The following CACNG4 variants were observed in gnomAD, a reference collection of about 807,000 sequenced individuals.
CACNG4 encodes the protein calcium voltage-gated channel auxiliary subunit gamma 4.
In CACNG4, 8 loss-of-function variants were observed where a neutral mutation model predicts 22.9. The ratio of observed to expected loss-of-function variants is 0.35; its 90% CI spans 0.21 to 0.63. The LOEUF (loss-of-function observed/expected upper bound fraction) is 0.63. Ranked by LOEUF, CACNG4 falls within the 30% of genes least tolerant of loss-of-function variation. The probability of loss-of-function intolerance (pLI) is 0.72; values close to 1 mark genes in which losing one functional copy is unlikely to be tolerated. For missense variants in CACNG4, 357 were observed against 455.4 expected (o/e 0.78, Z 1.97); for synonymous variants, 188 against 191.9 (o/e 0.98, Z 0.17).
At chr17:67,019,169 C>G (rs1441889733) in intron 2 of CACNG4, among the ~76,000 whole-genome samples, 1 of 152,300 alleles carries the variant, frequency 6.6e-6, no homozygotes, top group East Asian at 1.9e-4. Flanking sequence ...TCAGAGAGAG[C>G]ACAATTCACT....
chr17:67,015,823 G>T (rs111705084), intron 1 of CACNG4, among the ~76,000 whole-genome samples: 3 of 152,270 alleles, frequency 2.0e-5, no homozygotes, highest in African/African-American at 7.2e-5. Context: ...CCCAAAAAAA[G>T]GTGTGTGGGG....
chr17:67,017,610 C>T (rs2035507082), intron 1 of CACNG4, among the ~76,000 whole-genome samples: 2 of 151,880 alleles, frequency 1.3e-5, no homozygotes, highest in African/African-American at 2.4e-5. Flanking sequence ...CTCTGCCTCC[C>T]GGGTTCAAGC....
At position 66,996,076 on chromosome 17, in the gene CACNG4, C is replaced by T. The variant is rs1471132548; in HGVS notation, c.221-22113C>T. Reference sequence around the variant, plus strand: ...TTTATCACATTACAATCAAGCCATGCTTCCAGGAGCGACTGGTTGACTTAG... The same window carrying T: ...TTTATCACATTACAATCAAGCCATGTTTCCAGGAGCGACTGGTTGACTTAG... On this transcript the variant is annotated intron_variant, in intron 1 of 3. Transcript: ENST00000262138. 2.0e-5 allele frequency among the ~76,000 whole-genome samples: 3 copies of T among 152,122 alleles called. No individual in the cohort carries two copies. In the East Asian group the frequency reaches 5.8e-4, roughly 29 times the overall value.
chr17:67,002,135 C>T (rs979131108), intron 1 of CACNG4, among the ~76,000 whole-genome samples: 2 of 152,202 alleles, frequency 1.3e-5, no homozygotes, highest in Non-Finnish European at 2.9e-5. Flanking sequence ...CTCACAGTTC[C>T]ACGTGGCTGG....
At chr17:67,022,430 C>A (rs2035537536) in intron 2 of CACNG4, among the ~76,000 whole-genome samples, 1 of 152,178 alleles carries the variant, frequency 6.6e-6, no homozygotes, top group Non-Finnish European at 1.5e-5. Context: ...TTCTGGCCAG[C>A]ACAGCTCAGA....
At chr17:66,971,989 T>C (rs1233598748) in intron 1 of CACNG4, among the ~76,000 whole-genome samples, 1 of 151,954 alleles carries the variant, frequency 6.6e-6, no homozygotes, top group Non-Finnish European at 1.5e-5. Context: ...ATCTGGACAT[T>C]GTGGCAGACT....
intron 1 of CACNG4, among the ~76,000 whole-genome samples, chr17:66,981,122 A>G (rs548040147): frequency 1.3e-5 from 2 of 152,088 alleles, no homozygotes; most frequent in Non-Finnish European, 2.9e-5. Context: ...CAATGCAGAG[A>G]CACAAGCTTC....
chr17:66,996,890 G>A (rs2035378707), intron 1 of CACNG4, among the ~76,000 whole-genome samples: 1 of 152,148 alleles, frequency 6.6e-6, no homozygotes, highest in African/African-American at 2.4e-5. Flanking sequence ...TTCTTAGAAG[G>A]GGCAGCGCCT....
chr17:67,031,229 A>C lies in CACNG4; in HGVS notation c.*225A>C. On this transcript the variant is annotated 3_prime_UTR_variant, in exon 4 of 4. Transcript: ENST00000262138. This position sits in a 1 kb window ranked among gnomAD's most constrained non-coding sequence, Gnocchi z 4.0. ...GGCTGACTTTGTCCCCTCCCCGAAA[A>C]AGGGTGTTTTGATGCCTCAGGGTCT... 1.6e-6 allele frequency: 1 copy of C among 644,604 alleles called. No homozygotes were observed. Among genetic ancestry groups the C allele is most frequent in the Non-Finnish European group, 2.8e-6 (1 of 358,522 alleles). The allele number at this position is 644,604 out of a possible 1,614,324, so 39.9% of individuals were successfully genotyped here.
chr17:67,002,531 G>T (rs1217957344), intron 1 of CACNG4, among the ~76,000 whole-genome samples: 1 of 152,154 alleles, frequency 6.6e-6, no homozygotes. Flanking sequence ...ATCCTGGCCT[G>T]GTTGCCAGAA....
At chr17:66,985,257 T>C (rs2035298572) in intron 1 of CACNG4, among the ~76,000 whole-genome samples, 2 of 152,246 alleles carry the variant, frequency 1.3e-5, no homozygotes, top group Admixed American at 1.3e-4. Flanking sequence ...GGCTGAGTCC[T>C]GGGCACTCCC....
intron 1 of CACNG4, among the ~76,000 whole-genome samples, chr17:66,992,473 CA>C (rs1296960751): frequency 1.3e-5 from 2 of 152,190 alleles, no homozygotes; most frequent in Non-Finnish European, 2.9e-5. Context: ...CCCAGCAGCA[CA>C]AAACAAACCT....
intron 1 of CACNG4, among the ~76,000 whole-genome samples, chr17:67,003,741 C>T (rs772341680): frequency 1.1e-4 from 17 of 152,134 alleles, no homozygotes; most frequent in Non-Finnish European, 2.5e-4. Context: ...GCAAAATCAC[C>T]CCCTGTAGAG....
At chr17:67,009,846 A>C (rs1441013672) in intron 1 of CACNG4, among the ~76,000 whole-genome samples, 1 of 151,718 alleles carries the variant, frequency 6.6e-6, no homozygotes, top group Non-Finnish European at 1.5e-5. Flanking sequence ...TCCTAACATC[A>C]TCACCTCAGG....
At chr17:66,985,400 A>G (rs78858555) in intron 1 of CACNG4, among the ~76,000 whole-genome samples, 3,596 of 152,340 alleles carry the variant, frequency 0.024, 142 homozygotes, top group African/African-American at 0.08. Flanking sequence ...TAATGAGTCT[A>G]TTGTCCAAGA....
intron 1 of CACNG4, among the ~76,000 whole-genome samples, chr17:66,983,986 G>T (rs889604796): frequency 2.6e-5 from 4 of 152,204 alleles, no homozygotes; most frequent in Non-Finnish European, 4.4e-5. Context: ...TGTGAACAAT[G>T]TTCTATATTT....
intron 2 of CACNG4, among the ~76,000 whole-genome samples, chr17:67,021,245 C>T (rs1020899457): frequency 9.9e-5 from 15 of 151,930 alleles, no homozygotes; most frequent in African/African-American, 3.6e-4. Flanking sequence ...GTACCAGGCA[C>T]TGTATTAGAC....
chr17:67,001,746 A>G (rs2035409142), intron 1 of CACNG4, among the ~76,000 whole-genome samples: 2 of 152,202 alleles, frequency 1.3e-5, no homozygotes, highest in African/African-American at 4.8e-5. Context: ...AGGGGCCCTC[A>G]TGGGGGAGAC....
At position 67,032,027 on chromosome 17, in the gene CACNG4, T is replaced by A; in HGVS notation, c.*1023T>A. 1 of 451,486 alleles carries A rather than the reference T, an allele frequency of 2.2e-6. No individual in the cohort carries two copies. The highest frequency in any genetic ancestry group is 1.6e-5 in the South Asian group (1 of 63,156). The allele number at this position is 451,486 out of a possible 1,614,324, so 28.0% of individuals were successfully genotyped here. On this transcript the variant is annotated 3_prime_UTR_variant, in exon 4 of 4. Transcript: ENST00000262138. ...CCATTTCCTAGGTGGTTACAAATCA[T>A]AACTTCCTGCAAATCAACGCCAGGA...
Sources: allele counts gnomAD v4.1 joint callset (sites outside exome capture counted in the v4.1 genomes callset), GRCh38; gene constraint gnomAD v4.1.1; non-coding constraint Gnocchi (gnomAD v3.1); transcripts MANE v1.5; gene names NCBI Gene and HGNC (gene_info 2026-07-23, HGNC 2026-07-21).